The following CFAP47 variants were observed in gnomAD, a reference collection of about 807,000 sequenced individuals.
The protein encoded by CFAP47 is cilia and flagella associated protein 47, also known as cilia- and flagella-associated protein 47.
In CFAP47, 29 loss-of-function variants were observed where a neutral mutation model predicts 148.1. That is an observed-to-expected ratio of 0.20 (90% CI 0.15 to 0.27). The LOEUF is 0.27. Ranked by LOEUF, CFAP47 falls within the 10% of genes least tolerant of loss-of-function variation. The pLI, the probability that CFAP47 is intolerant of heterozygous loss-of-function variation, is 1.00. For synonymous variants in CFAP47, 664 were observed against 577.3 expected (o/e 1.15, Z -2.15); for missense variants, 1,872 against 1,697.5 (o/e 1.10, Z -1.81).
intron 29 of CFAP47, among the ~76,000 whole-genome samples, chrX:36,077,152 A>G (rs1175481066): frequency 1.3e-5 from 1 of 77,928 alleles, no homozygotes; most frequent in Non-Finnish European, 2.3e-5. Context: ...CTTATAGTAC[A>G]GTTTGAAGTC....
At chrX:36,111,654 A>G (rs1435643601) in intron 33 of CFAP47, among the ~76,000 whole-genome samples, 1 of 111,514 alleles carries the variant, frequency 9.0e-6, no homozygotes, top group Non-Finnish European at 1.9e-5. Flanking sequence ...CTTCCTTCTC[A>G]ATTTTGGGGA....
At chrX:36,272,057 A>G (rs1192778284) in intron 49 of CFAP47, among the ~76,000 whole-genome samples, 3 of 111,926 alleles carry the variant, frequency 2.7e-5, no homozygotes, top group African/African-American at 9.7e-5. Context: ...AGCTTATAGA[A>G]TTGTGACTGA....
intron 33 of CFAP47, among the ~76,000 whole-genome samples, chrX:36,119,841 G>T (rs183946329): frequency 9.0e-6 from 1 of 111,221 alleles, no homozygotes; most frequent in Non-Finnish European, 1.9e-5. Context: ...CAATTTATTG[G>T]CATATAGTTG....
intron 12 of CFAP47, 27 bp downstream of exon 12, chrX:35,971,799 A>T (rs753209895): frequency 8.4e-7 from 1 of 1,188,667 alleles, no homozygotes; most frequent in East Asian, 3.0e-5. Flanking sequence ...ACATTTGGTT[A>T]TTCCACGAGA....
Position 35,949,197 on chromosome X carries a change from CT to C in CFAP47, c.656+752del, listed in dbSNP as rs1431106149. 2.9e-5 allele frequency among the ~76,000 whole-genome samples: 3 copies of C among 103,286 alleles called. No individual in the cohort carries two copies. The East Asian group carries it at 9.4e-4, about 32-fold the overall frequency. 89.7% of individuals were successfully genotyped at this position (103,286 alleles called of 115,157 possible). A position where few individuals can be genotyped will look rare whatever the true frequency, so the allele number is the denominator to read the frequency against. On this transcript the variant is annotated intron_variant, in intron 4 of 63. Transcript: ENST00000378653. ...TGTTCCGGCACTGGAATATAAAATA[CT>C]TTTTTTACTGAAGGTCACAGCCATA...
At chrX:36,114,270 A>G (rs924780629) in intron 33 of CFAP47, among the ~76,000 whole-genome samples, 3 of 111,504 alleles carry the variant, frequency 2.7e-5, no homozygotes, top group Admixed American at 1.9e-4. Flanking sequence ...TATGAGTCCT[A>G]GTTTCCTTGG....
chrX:36,350,731 C>T (rs782497311), intron 59 of CFAP47, among the ~76,000 whole-genome samples: 2 of 107,363 alleles, frequency 1.9e-5, no homozygotes, highest in Admixed American at 1.0e-4. Flanking sequence ...ACTTCTCTAA[C>T]GTTTCTGTGT....
At chrX:36,167,086 G>A (rs1347624612) in intron 39 of CFAP47, among the ~76,000 whole-genome samples, 3 of 111,687 alleles carry the variant, frequency 2.7e-5, no homozygotes, top group Non-Finnish European at 5.6e-5. Flanking sequence ...AGGACTTCTA[G>A]CAGTCTCCTT....
At chrX:35,960,380 G>GGAAAAAAAA (rs1227681980) in intron 8 of CFAP47, among the ~76,000 whole-genome samples, 2 of 15,489 alleles carry the variant, frequency 1.3e-4, no homozygotes, top group African/African-American at 5.2e-4. Context: ...GCTAATTTCT[G>GGAAAAAAAA]AAAAAAAAAA....
chrX:36,199,187 A>G (rs782698287), intron 42 of CFAP47, among the ~76,000 whole-genome samples: 2 of 111,831 alleles, frequency 1.8e-5, no homozygotes, highest in East Asian at 5.7e-4. Context: ...TTGTGATTGC[A>G]TATGTCTTTT....
chrX:36,275,358 A>G (rs1428001704), intron 49 of CFAP47, among the ~76,000 whole-genome samples: 2 of 109,348 alleles, frequency 1.8e-5, no homozygotes. Context: ...ACAGGCATGA[A>G]CCACCACAAC....
intron 32 of CFAP47, among the ~76,000 whole-genome samples, chrX:36,102,808 G>A (rs1229989579): frequency 4.5e-5 from 5 of 111,725 alleles, no homozygotes; most frequent in African/African-American, 1.6e-4. Flanking sequence ...TTTATAATAC[G>A]TGAGATTTGA....
chrX:36,330,991 C>A (rs1392550326), intron 57 of CFAP47, among the ~76,000 whole-genome samples: 1 of 111,429 alleles, frequency 9.0e-6, no homozygotes, highest in Non-Finnish European at 1.9e-5. Context: ...ACACTTTGAT[C>A]CCATCGTCCA....
chrX:36,280,982 A>AT (rs1941073033), intron 50 of CFAP47, among the ~76,000 whole-genome samples: 1 of 112,386 alleles, frequency 8.9e-6, no homozygotes, highest in Non-Finnish European at 1.9e-5. Context: ...TTACTTCAAT[A>AT]TAAGAGATAC....
intron 35 of CFAP47, chrX:36,144,678 A>C (rs1445439679): frequency 1.9e-6 from 2 of 1,026,149 alleles, no homozygotes; most frequent in Middle Eastern, 2.9e-4. Context: ...GGCCAGAACA[A>C]AGAGACAGAA....
chrX:36,338,035 A>ATTTTTTTT (rs1209274928), intron 57 of CFAP47, among the ~76,000 whole-genome samples: 228 of 46,543 alleles, frequency 4.9e-3, no homozygotes, highest in African/African-American at 9.9e-3. Flanking sequence ...ACGCCTGGCT[A>ATTTTTTTT]TTTTTTTTTT....
At chrX:36,209,487 A>T (rs1298682023) in intron 45 of CFAP47, among the ~76,000 whole-genome samples, 1 of 111,396 alleles carries the variant, frequency 9.0e-6, no homozygotes, top group Non-Finnish European at 1.9e-5. Flanking sequence ...AGATCAAAAC[A>T]TAAATTTTTT....
chrX:36,094,922 T>C (rs1938248831), intron 30 of CFAP47, among the ~76,000 whole-genome samples: 1 of 111,231 alleles, frequency 9.0e-6, no homozygotes, highest in South Asian at 3.7e-4. Context: ...TCAATGACAG[T>C]GATGAAAGTG....
intron 57 of CFAP47, among the ~76,000 whole-genome samples, chrX:36,321,197 A>G (rs970461867): frequency 1.8e-5 from 2 of 112,285 alleles, no homozygotes; most frequent in East Asian, 2.8e-4. Context: ...GTATTCAGCC[A>G]TAAAAGAGAG....
Sources: gnomAD v4.1 joint callset for allele counts (sites outside exome capture counted in the v4.1 genomes callset) on GRCh38, gnomAD v4.1.1 for gene constraint, MANE v1.5 for transcripts, NCBI Gene and HGNC (gene_info 2026-07-23, HGNC 2026-07-21) for gene names.